KMT2C: variants seen among roughly 807,000 people sequenced by gnomAD.
The protein encoded by KMT2C is lysine methyltransferase 2C, also known as histone-lysine N-methyltransferase 2C.
In KMT2C, 88 loss-of-function variants were observed where a neutral mutation model predicts 507.9. The observed-to-expected ratio is 0.17, with a 90% CI of 0.15 to 0.21. The LOEUF (loss-of-function observed/expected upper bound fraction) is 0.21, where lower values mean the gene tolerates loss of function less well. KMT2C is among the 10% of genes least tolerant of loss of function. The pLI is 1.00. For synonymous variants in KMT2C, 2,049 were observed against 2,080.8 expected, an observed-to-expected ratio of 0.98 and a Z score of 0.42; for missense variants, 4,954 against 5,957.8, an observed-to-expected ratio of 0.83 and a Z score of 5.55.
chr7:152,291,895 T>A (rs1464716510), intron 6 of KMT2C, among the ~76,000 whole-genome samples: 3 of 152,358 alleles, frequency 2.0e-5, no homozygotes, highest in Middle Eastern at 6.8e-3. Flanking sequence ...TAAAACATAA[T>A]TTAATTAACT....
At chr7:152,326,547 A>C (rs1312074047) in intron 3 of KMT2C, among the ~76,000 whole-genome samples, 2 of 152,126 alleles carry the variant, frequency 1.3e-5, no homozygotes, top group African/African-American at 4.8e-5. Flanking sequence ...TTAATTATAC[A>C]TATTCATTTA....
At chr7:152,381,460 A>G (rs1229026348) in intron 1 of KMT2C, among the ~76,000 whole-genome samples, 1 of 152,154 alleles carries the variant, frequency 6.6e-6, no homozygotes, top group Admixed American at 6.5e-5. Context: ...ACAAGGAATT[A>G]GCTAGTCCAA....
chr7:152,150,469 A>T (rs1432055756), intron 51 of KMT2C, among the ~76,000 whole-genome samples: 1 of 152,062 alleles, frequency 6.6e-6, no homozygotes, highest in Non-Finnish European at 1.5e-5. Flanking sequence ...TACAAAAATT[A>T]GCTGGGCGTG....
At chr7:152,320,537 C>T (rs1333270298) in intron 3 of KMT2C, among the ~76,000 whole-genome samples, 1 of 151,916 alleles carries the variant, frequency 6.6e-6, no homozygotes, top group African/African-American at 2.4e-5. Context: ...GCATGAACCA[C>T]CACACCTGGC....
In KMT2C at chr7:152,176,977, C is replaced by A. The variant is rs1351343027; in HGVS notation, c.8476G>T (p.Val2826Leu). 2 of 1,614,014 alleles carry A rather than the reference C, an allele frequency of 1.2e-6. No homozygotes were observed. The highest frequency in any genetic ancestry group is 8.5e-7 in the Non-Finnish European group (1 of 1,179,910). The change falls in exon 38 of 59, where the codon GTA (valine) becomes TTA (leucine). Residue 2826 changes from valine (V) to leucine (L), a missense_variant. Physicochemically the swap from Val to Leu is conservative, Grantham distance 32. This residue lies in a region of KMT2C where 1,689 missense variants were observed against 1,654.3 expected (regional missense o/e 1.02). Transcript: ENST00000262189. ...TCCACCTTAGAATTTGGAGACAGTACTTCCGTTTTTACCTCATTGGTAACA... is the reference window on the plus strand; with the variant it reads ...TCCACCTTAGAATTTGGAGACAGTAATTCCGTTTTTACCTCATTGGTAACA... ...STVTNEVKTE[V>L]LSPNSKVESK... is the part of the protein sequence containing the mutation.
At chr7:152,221,603 T>C (rs1425278549) in intron 22 of KMT2C, among the ~76,000 whole-genome samples, 1 of 152,220 alleles carries the variant, frequency 6.6e-6, no homozygotes, top group Non-Finnish European at 1.5e-5. Flanking sequence ...GACTGTTTAA[T>C]AAGAATATCA....
At chr7:152,221,954 T>C (rs746150696) in intron 22 of KMT2C, 47 bp downstream of exon 22, 6 of 1,437,726 alleles carry the variant, frequency 4.2e-6, no homozygotes, top group Non-Finnish European at 5.8e-6. Flanking sequence ...ATGTAAAAAT[T>C]AAGCAAAGTA....
chr7:152,276,522 G>A (rs1427824784), intron 6 of KMT2C, among the ~76,000 whole-genome samples: 2 of 152,164 alleles, frequency 1.3e-5, no homozygotes, highest in African/African-American at 4.8e-5. Context: ...GGAGGCTGAG[G>A]CAGGTGGATC....
chr7:152,165,737 G>A (rs768423802), intron 42 of KMT2C, among the ~76,000 whole-genome samples: 13 of 152,126 alleles, frequency 8.5e-5, no homozygotes, highest in Non-Finnish European at 1.8e-4. Context: ...TGCCCAGGCT[G>A]GAGTGCAATG....
Position 152,163,840 on chromosome 7 carries a change from A to C in KMT2C, c.9751-14T>G. 1 of 1,607,078 alleles carries C rather than the reference A, an allele frequency of 6.2e-7. No individual in the cohort carries two copies. Among genetic ancestry groups the C allele is most frequent in the Non-Finnish European group, 8.5e-7 (1 of 1,173,602 alleles). On this transcript the variant is annotated splice_polypyrimidine_tract_variant and intron_variant, in intron 42 of 58. Coordinates refer to ENST00000262189, the MANE Select transcript of KMT2C (RefSeq NM_170606.3). The stretch of plus-strand genomic sequence containing the variant: ...TTGTTTACGAATCTGGAATAACAAA[A>C]TGCATCATTACTCATTTCTATACAG...
intron 6 of KMT2C, among the ~76,000 whole-genome samples, chr7:152,308,740 A>ACTTTGAG (rs2096642947): frequency 6.6e-6 from 1 of 150,962 alleles, no homozygotes; most frequent in African/African-American, 2.4e-5. Context: ...AACTCCCAGC[A>ACTTTGAG]CTTTGAGAGG....
intron 1 of KMT2C, among the ~76,000 whole-genome samples, chr7:152,384,692 G>A (rs1034049316): frequency 4.6e-5 from 7 of 151,896 alleles, no homozygotes; most frequent in African/African-American, 1.7e-4. Context: ...GTCCTATACA[G>A]TAACAGATAC....
intron 34 of KMT2C, among the ~76,000 whole-genome samples, 163 bp from the exon 35 acceptor site, chr7:152,183,319 C>A (rs1296428592): frequency 6.6e-6 from 1 of 152,136 alleles, no homozygotes; most frequent in African/African-American, 2.4e-5. Context: ...ACTAACTCAT[C>A]TTCTCTCTTT....
intron 7 of KMT2C, among the ~76,000 whole-genome samples, chr7:152,270,454 C>G (rs907116683): frequency 1.3e-5 from 2 of 152,112 alleles, no homozygotes; most frequent in East Asian, 3.9e-4. Flanking sequence ...CATTGCAGAC[C>G]GAATAGAACC....
rs530632312 is a variant in KMT2C at position 152,358,632 on chromosome 7, T to A, written c.205A>T (p.Met69Leu). 1.7e-5 allele frequency: 28 copies of A among 1,612,416 alleles called. No homozygotes were observed. The East Asian group carries it at 3.1e-4, about 18-fold the overall frequency. The part of the protein sequence containing the change: ...GKTAVEDEDS[M>L]DGLETTETET... ...GTTTCTGTTGTCTCCAGCCCATCCA[T>A]GCTGTCCTCATCTTCCACTGCAGTT... is the stretch of plus-strand genomic sequence containing the variant. The change falls in exon 2 of 59, where the codon ATG becomes TTG. Residue 69 changes from methionine (M) to leucine (L), a missense_variant. Physicochemically the swap from Met to Leu is conservative, Grantham distance 15 (BLOSUM62 2). Coordinates refer to ENST00000262189, the MANE Select transcript of KMT2C (RefSeq NM_170606.3).
intron 14 of KMT2C, among the ~76,000 whole-genome samples, chr7:152,246,887 G>A (rs1189464591): frequency 6.6e-6 from 1 of 152,038 alleles, no homozygotes; most frequent in African/African-American, 2.4e-5. Context: ...CGTGTACCTT[G>A]TCTTTAGAGA....
At chr7:152,180,210 G>T (rs554547017) in intron 36 of KMT2C, 84 bp from the exon 37 acceptor site, 2 of 1,432,936 alleles carry the variant, frequency 1.4e-6, no homozygotes, top group East Asian at 2.3e-5. Context: ...TTTTAGATAT[G>T]GGATCTTGCT....
chr7:152,296,276 A>T (rs1432528187), intron 6 of KMT2C, among the ~76,000 whole-genome samples: 2 of 150,306 alleles, frequency 1.3e-5, no homozygotes, highest in Non-Finnish European at 3.0e-5. Context: ...CCTACTAAAA[A>T]TACAAAAATT....
chr7:152,257,928 T>C (rs569383937), intron 9 of KMT2C, among the ~76,000 whole-genome samples: 59 of 152,240 alleles, frequency 3.9e-4, no homozygotes, highest in African/African-American at 1.2e-3. Context: ...TATGAATTTC[T>C]GTTGGGCCAC....
Sources: allele counts gnomAD v4.1 joint callset (sites outside exome capture counted in the v4.1 genomes callset), GRCh38; gene constraint gnomAD v4.1.1; regional missense constraint gnomAD v4.1.1; transcripts MANE v1.5; gene names NCBI Gene and HGNC (gene_info 2026-07-23, HGNC 2026-07-21).